TTC23L: variants seen among roughly 807,000 people sequenced by gnomAD.
The protein encoded by TTC23L is tetratricopeptide repeat domain 23 like, also known as tetratricopeptide repeat protein 23-like.
TTC23L carries 42 observed loss-of-function variants against 48.1 expected under a neutral mutation model. That is an observed-to-expected ratio of 0.87 (90% confidence interval 0.68 to 1.13). The LOEUF (loss-of-function observed/expected upper bound fraction) is 1.13. TTC23L is among the 50% of genes most tolerant of loss of function. TTC23L has a pLI of 0.00. For missense variants in TTC23L, 391 were observed against 421.0 expected, an observed-to-expected ratio of 0.93 and a Z score of 0.62; for synonymous variants, 159 against 157.2, an observed-to-expected ratio of 1.01 and a Z score of -0.09.
At chr5:34,909,136 TATTC>T in the TTC23L span, 1 of 913,248 alleles carries the variant, frequency 1.1e-6, no homozygotes, top group Non-Finnish European at 1.7e-6. Context: ...AGCACTCTAC[TATTC>T]ATTTTTATAA....
chr5:34,924,151 G>A, the TTC23L span, among the ~76,000 whole-genome samples: 2 of 152,212 alleles, frequency 1.3e-5, no homozygotes, highest in Admixed American at 6.5e-5. Context: ...GAGAAAAGAG[G>A]AGGTGACTCT....
chr5:34,878,177 T>C (rs1008124754), intron 8 of TTC23L, among the ~76,000 whole-genome samples: 1 of 152,146 alleles, frequency 6.6e-6, no homozygotes, highest in African/African-American at 2.4e-5. Flanking sequence ...GAAATATATG[T>C]GAGAAAAACA....
chr5:34,884,190 CA>C (rs1762410564), intron 9 of TTC23L, among the ~76,000 whole-genome samples: 1 of 151,950 alleles, frequency 6.6e-6, no homozygotes. Context: ...AAGCATTGGA[CA>C]AAATTCAATA....
intron 4 of TTC23L, among the ~76,000 whole-genome samples, chr5:34,858,086 A>C (rs1217470245): frequency 6.6e-6 from 1 of 152,158 alleles, no homozygotes. Context: ...CTTTGGACTC[A>C]TTTTGCCATC....
chr5:34,904,592 C>CA, the TTC23L span, among the ~76,000 whole-genome samples: 435 of 107,374 alleles, frequency 4.1e-3, no homozygotes, highest in Middle Eastern at 0.015. Context: ...GACTCCATCT[C>CA]AAAAAAAAAA....
At chr5:34,912,224 A>G in the TTC23L span, among the ~76,000 whole-genome samples, 4 of 152,228 alleles carry the variant, frequency 2.6e-5, no homozygotes, top group Non-Finnish European at 4.4e-5. Flanking sequence ...TCTGTACTGT[A>G]ACGTCAGTGT....
chr5:34,868,857 G>T, intron 7 of TTC23L, 48 bp from the exon 8 acceptor site: 1 of 1,514,278 alleles, frequency 6.6e-7, no homozygotes, highest in South Asian at 1.2e-5. Context: ...AATCCACAGT[G>T]AACACTGTCA....
chr5:34,850,342 A>G, intron 4 of TTC23L, 34 bp downstream of exon 4: 2 of 1,612,378 alleles, frequency 1.2e-6, no homozygotes, highest in Non-Finnish European at 1.7e-6. Context: ...TTGGGTGGCC[A>G]GCCTCTGAAG....
the TTC23L span, chr5:34,913,632 T>C: frequency 1.9e-6 from 2 of 1,061,074 alleles, no homozygotes; most frequent in South Asian, 3.0e-5. Context: ...AAACTAATAA[T>C]ATAAGGTCCT....
At chr5:34,854,779 A>G (rs1236382556) in intron 4 of TTC23L, among the ~76,000 whole-genome samples, 2 of 152,232 alleles carry the variant, frequency 1.3e-5, no homozygotes, top group Non-Finnish European at 2.9e-5. Flanking sequence ...GTGAAATGCC[A>G]TGATGAACAC....
At chr5:34,914,980 A>G in the TTC23L span, 1 of 1,437,394 alleles carries the variant, frequency 7.0e-7, no homozygotes, top group Non-Finnish European at 9.6e-7. Flanking sequence ...ATTAGACAGT[A>G]AAACTCCCAT....
intron 4 of TTC23L, among the ~76,000 whole-genome samples, chr5:34,856,389 G>A (rs886881324): frequency 7.2e-5 from 11 of 152,154 alleles, no homozygotes; most frequent in Non-Finnish European, 1.5e-4. Flanking sequence ...CCCCCATCCA[G>A]AACAAAATCT....
chr5:34,852,585 T>C (rs1759767057), intron 4 of TTC23L, among the ~76,000 whole-genome samples: 1 of 152,090 alleles, frequency 6.6e-6, no homozygotes, highest in African/African-American at 2.4e-5. Context: ...GTATGGCAGT[T>C]GGAATGAAGA....
rs149955344 is a variant in TTC23L, at chr5:34,863,370, G to GGGT, written c.536+336_536+338dup. On this transcript the variant is annotated intron_variant, in intron 5 of 10. Coordinates refer to ENST00000505624, the Ensembl canonical transcript of TTC23L. This position sits in a 1 kb window ranked among gnomAD's most constrained non-coding sequence, Gnocchi z 4.1. ...AAATCAGTGTTAGCAATGAGGATGA[G>GGGT]GGTGGTGGTGGTGGTGGTGGTGTAG... Among the ~76,000 whole-genome samples, 12,984 of 151,886 alleles carry GGGT rather than the reference G, an allele frequency of 0.085. 1,017 individuals carry two copies. The highest frequency in any genetic ancestry group is 0.21 in the African/African-American group (8,604 of 41,288).
intron 8 of TTC23L, among the ~76,000 whole-genome samples, chr5:34,879,430 T>C (rs1259967117): frequency 6.6e-6 from 1 of 152,148 alleles, no homozygotes; most frequent in Non-Finnish European, 1.5e-5. Context: ...AAATTAAATT[T>C]TCAAGCCATA....
chr5:34,847,480 GTTT>G (rs3996923), intron 3 of TTC23L, among the ~76,000 whole-genome samples: 4,967 of 146,284 alleles, frequency 0.034, 107 homozygotes, highest in African/African-American at 0.066. Context: ...CAATAACGCT[GTTT>G]TTTTTTTTTT....
At chr5:34,913,128 C>A in the TTC23L span, among the ~76,000 whole-genome samples, 1 of 152,022 alleles carries the variant, frequency 6.6e-6, no homozygotes, top group African/African-American at 2.4e-5. Flanking sequence ...CACTAACTAG[C>A]GGAGTAATTC....
chr5:34,897,085 TTTAATA>T (rs1763271479), intron 10 of TTC23L, among the ~76,000 whole-genome samples: 1 of 152,068 alleles, frequency 6.6e-6, no homozygotes, highest in Admixed American at 6.5e-5. Context: ...TCTCAGGACT[TTTAATA>T]TACAAAACCT....
chr5:34,909,104 C>T, the TTC23L span, among the ~76,000 whole-genome samples: 45 of 152,300 alleles, frequency 3.0e-4, 1 homozygote, highest in African/African-American at 9.1e-4. Flanking sequence ...ACTGTTAGAA[C>T]CCTACATCCC....
Sources: gnomAD v4.1 joint callset for allele counts (sites outside exome capture counted in the v4.1 genomes callset) on GRCh38, gnomAD v4.1.1 for gene constraint, Gnocchi (gnomAD v3.1) non-coding constraint, MANE v1.5 for transcripts, NCBI Gene and HGNC (gene_info 2026-07-23, HGNC 2026-07-21) for gene names.